GUCA1C: variants seen among roughly 807,000 people sequenced by gnomAD.
GUCA1C encodes the protein guanylate cyclase activator 1C.
Under a neutral mutation model 16.2 loss-of-function variants are expected in GUCA1C, and 15 were observed. That is an observed-to-expected ratio of 0.93 (90% CI 0.62 to 1.43). The LOEUF is 1.43. Among genes scored for constraint, GUCA1C ranks in the 40% most tolerant of loss-of-function variants. GUCA1C has a pLI of 0.00. For missense variants in GUCA1C, 275 were observed against 244.8 expected (o/e 1.12, Z -0.82); for synonymous variants, 78 against 85.4 (o/e 0.91, Z 0.48).
At chr3:108,913,057 T>G (rs147664215) in intron 3 of GUCA1C, among the ~76,000 whole-genome samples, 1 of 152,156 alleles carries the variant, frequency 6.6e-6, no homozygotes, top group Non-Finnish European at 1.5e-5. Context: ...TCACAACAGA[T>G]GTGATGTTGA....
intron 3 of GUCA1C, among the ~76,000 whole-genome samples, chr3:108,909,036 G>C (rs1486238768): frequency 6.6e-6 from 1 of 152,166 alleles, no homozygotes; most frequent in East Asian, 1.9e-4. Context: ...TCAAGAACTG[G>C]AGAAAGTACA....
intron 3 of GUCA1C, among the ~76,000 whole-genome samples, chr3:108,912,711 C>CGAAA (rs369820436): frequency 7.0e-6 from 1 of 143,492 alleles, no homozygotes. Context: ...TTGTTAATTT[C>CGAAA]AAAAAAAAAA....
At chr3:108,934,143 C>A (rs1946697303) in intron 1 of GUCA1C, among the ~76,000 whole-genome samples, 1 of 150,756 alleles carries the variant, frequency 6.6e-6, no homozygotes, top group East Asian at 1.9e-4. Context: ...CACATGGACA[C>A]AGGGAGGGGA....
chr3:108,954,190 T>G (rs970410072), upstream of GUCA1C, among the ~76,000 whole-genome samples: 2 of 152,220 alleles, frequency 1.3e-5, no homozygotes, highest in African/African-American at 4.8e-5. Flanking sequence ...AAACATTACT[T>G]ACATTCTCGT....
intron 1 of GUCA1C, among the ~76,000 whole-genome samples, chr3:108,925,495 A>G (rs1370959429): frequency 1.3e-5 from 2 of 152,212 alleles, no homozygotes; most frequent in African/African-American, 2.4e-5. Flanking sequence ...ACTACTTGAC[A>G]TAATTTCAAT....
chr3:108,954,890 C>T (rs1228757468), upstream of GUCA1C, among the ~76,000 whole-genome samples: 1 of 151,948 alleles, frequency 6.6e-6, no homozygotes, highest in African/African-American at 2.4e-5. Context: ...GCGCCCGCCA[C>T]CACGCCCAGC....
intron 3 of GUCA1C, among the ~76,000 whole-genome samples, chr3:108,912,868 A>T (rs1329824321): frequency 6.6e-6 from 1 of 152,178 alleles, no homozygotes; most frequent in Non-Finnish European, 1.5e-5. Context: ...GTGCCAGCAT[A>T]GGAAATATCA....
chr3:108,922,057 G>C (rs971952253), intron 1 of GUCA1C, among the ~76,000 whole-genome samples: 1 of 151,854 alleles, frequency 6.6e-6, no homozygotes, highest in Non-Finnish European at 1.5e-5. Context: ...ACTTCACTTA[G>C]AATAATAGCC....
At chr3:108,920,882 A>G (rs934865974) in intron 1 of GUCA1C, among the ~76,000 whole-genome samples, 3 of 152,158 alleles carry the variant, frequency 2.0e-5, no homozygotes, top group Non-Finnish European at 4.4e-5. Context: ...GTCCCCACAC[A>G]TGCATAGCCT....
intron 1 of GUCA1C, among the ~76,000 whole-genome samples, chr3:108,939,323 G>GTTTTTTTTTTTTT (rs1491279760): frequency 2.4e-4 from 8 of 33,222 alleles, no homozygotes; most frequent in Non-Finnish European, 4.8e-4. Flanking sequence ...TTGCTTCAAG[G>GTTTTTTTTTTTTT]CTTTTTTTTT....
At chr3:108,920,054 C>A (rs1489286799) in intron 2 of GUCA1C, among the ~76,000 whole-genome samples, 1 of 152,164 alleles carries the variant, frequency 6.6e-6, no homozygotes, top group African/African-American at 2.4e-5. Context: ...GATTAGTCCT[C>A]ACATACCTTC....
chr3:108,913,619 A>ATGAT (rs1407145573), intron 3 of GUCA1C, among the ~76,000 whole-genome samples: 2 of 152,296 alleles, frequency 1.3e-5, no homozygotes, highest in African/African-American at 4.8e-5. Context: ...CAGCTGTCTC[A>ATGAT]TGATGAAACG....
chr3:108,935,532 T>C (rs1280088589), intron 1 of GUCA1C, among the ~76,000 whole-genome samples: 1 of 143,434 alleles, frequency 7.0e-6, no homozygotes, highest in Non-Finnish European at 1.5e-5. Flanking sequence ...CTACTAAAAA[T>C]AGAAAAAAAA....
At position 108,916,757 on chromosome 3, in the gene GUCA1C, A is replaced by AG. The variant is rs35763047; in HGVS notation, c.355-544dup. 6.0e-3 allele frequency among the ~76,000 whole-genome samples: 921 copies of AG among 152,268 alleles called. 6 individuals are homozygous for AG. Among genetic ancestry groups the AG allele is most frequent in the African/African-American group, 0.02 (818 of 41,546 alleles). The stretch of plus-strand genomic sequence containing the variant: ...TTTCTCCCACATACTGTCAGGGCCC[A>AG]GGGGGCAAATGACATTTCCAGCCTT... On this transcript the variant is annotated intron_variant, in intron 2 of 3. Coordinates refer to ENST00000261047, the MANE Select transcript of GUCA1C (RefSeq NM_005459.4).
Position 108,952,420 on chromosome 3 carries a change from A to C in GUCA1C, c.204+1139T>G, listed in dbSNP as rs535732854. 3.9e-5 allele frequency among the ~76,000 whole-genome samples: 6 copies of C among 152,322 alleles called. No individual in the cohort carries two copies. The South Asian group carries it at 1.2e-3, about 32-fold the overall frequency. Reference sequence around the variant, plus strand: ...GGAGGAAAGCACTGTCATGCTGAACAGGCAGTGCTTAACTCATATTTGGTA... The same window carrying C: ...GGAGGAAAGCACTGTCATGCTGAACCGGCAGTGCTTAACTCATATTTGGTA... On this transcript the variant is annotated intron_variant, in intron 1 of 3. Coordinates refer to ENST00000261047, the MANE Select transcript of GUCA1C (RefSeq NM_005459.4).
chr3:108,922,746 A>G (rs1388449200), intron 1 of GUCA1C, among the ~76,000 whole-genome samples: 1 of 152,288 alleles, frequency 6.6e-6, no homozygotes, highest in South Asian at 2.1e-4. Context: ...ACAGGTATAC[A>G]CGTGCCATGG....
chr3:108,922,957 CA>C (rs1387664676), intron 1 of GUCA1C, among the ~76,000 whole-genome samples: 1 of 152,150 alleles, frequency 6.6e-6, no homozygotes, highest in Admixed American at 6.5e-5. Flanking sequence ...TTTCCAGCTT[CA>C]TCCATGTCCC....
Position 108,953,853 on chromosome 3 carries a change from T to A in GUCA1C, c.-91A>T. ...CTTACTCCTCACTAAAACTGAAGGC[T>A]AACATATGCCCTCAGAAAGCTACTC... On this transcript the variant is annotated 5_prime_UTR_variant, in exon 1 of 4. Coordinates refer to ENST00000261047, the MANE Select transcript of GUCA1C (RefSeq NM_005459.4). The A allele has an allele frequency of 1.2e-6, 1 of 820,578 alleles. No homozygotes were observed. The allele number at this position is 820,578 out of a possible 1,614,324, so 50.8% of individuals were successfully genotyped here.
intron 3 of GUCA1C, among the ~76,000 whole-genome samples, chr3:108,914,252 T>G (rs1946485169): frequency 6.6e-6 from 1 of 152,184 alleles, no homozygotes; most frequent in Non-Finnish European, 1.5e-5. Context: ...CAATTTCTCT[T>G]TTCTGAATTC....
Sources: gnomAD v4.1 joint callset for allele counts (sites outside exome capture counted in the v4.1 genomes callset) on GRCh38, gnomAD v4.1.1 for gene constraint, MANE v1.5 for transcripts, NCBI Gene and HGNC (gene_info 2026-07-23, HGNC 2026-07-21) for gene names.